Variants in CTDSPL2 observed in about 807,000 individuals in gnomAD.
CTDSPL2 encodes CTD small phosphatase like 2.
CTDSPL2 carries 5 observed loss-of-function variants against 60.0 expected under a neutral mutation model. That is an observed-to-expected ratio of 0.08 (90% CI 0.04 to 0.18). The LOEUF is 0.18. CTDSPL2 is among the 10% of genes least tolerant of loss of function. The pLI, the probability that CTDSPL2 is intolerant of heterozygous loss-of-function variation, is 1.00. For missense variants in CTDSPL2, 370 were observed against 548.8 expected (o/e 0.67, Z 3.26); for synonymous variants, 186 against 189.3 (o/e 0.98, Z 0.14).
intron 2 of CTDSPL2, chr15:44,470,329 ATTAT>A (rs1297737809): frequency 1.3e-5 from 2 of 151,964 alleles, no homozygotes; most frequent in African/African-American, 4.8e-5. Context: ...CTCAAGTGAT[ATTAT>A]TTATTTTGAA....
chr15:44,492,278 G>A (rs746674814), intron 5 of CTDSPL2, among the ~76,000 whole-genome samples: 2 of 152,162 alleles, frequency 1.3e-5, no homozygotes, highest in African/African-American at 2.4e-5. Flanking sequence ...CCAGACTGCC[G>A]TGAGCTATGA....
chr15:44,502,762 T>C (rs2081400896), intron 8 of CTDSPL2, among the ~76,000 whole-genome samples: 1 of 152,202 alleles, frequency 6.6e-6, no homozygotes, highest in African/African-American at 2.4e-5. Context: ...TTCTTGTAAA[T>C]GTATGTAGAA....
At chr15:44,441,999 A>G (rs746049760) in intron 1 of CTDSPL2, among the ~76,000 whole-genome samples, 15 of 152,144 alleles carry the variant, frequency 9.9e-5, no homozygotes, top group Admixed American at 6.6e-4. Flanking sequence ...AGACTCCCCA[A>G]TTAGCGCTGG....
At chr15:44,511,227 C>G (rs1322778216) in intron 8 of CTDSPL2, among the ~76,000 whole-genome samples, 1 of 152,200 alleles carries the variant, frequency 6.6e-6, no homozygotes, top group East Asian at 1.9e-4. Context: ...CAATATATTC[C>G]TTTATCTTCA....
At chr15:44,500,691 T>C (rs995139521) in intron 8 of CTDSPL2, among the ~76,000 whole-genome samples, 9 of 152,192 alleles carry the variant, frequency 5.9e-5, no homozygotes, top group Admixed American at 2.0e-4. Flanking sequence ...GCAGTTAGAA[T>C]GTGGTTATAG....
At chr15:44,467,742 T>G (rs2080725084) in intron 2 of CTDSPL2, among the ~76,000 whole-genome samples, 1 of 151,882 alleles carries the variant, frequency 6.6e-6, no homozygotes, top group South Asian at 2.1e-4. Flanking sequence ...CCTGGCTAAT[T>G]CTTTGTATTT....
intron 1 of CTDSPL2, among the ~76,000 whole-genome samples, chr15:44,446,754 C>CTTT (rs71111859): frequency 4.1e-5 from 3 of 73,600 alleles, no homozygotes; most frequent in African/African-American, 1.0e-4. Context: ...TCTTGGGGAA[C>CTTT]TTTTTTTTTT....
intron 1 of CTDSPL2, among the ~76,000 whole-genome samples, chr15:44,435,789 T>G (rs1440272325): frequency 6.6e-6 from 1 of 151,866 alleles, no homozygotes; most frequent in Admixed American, 6.6e-5. Context: ...GTGCTTTTAG[T>G]AGAGACGGGG....
chr15:44,460,365 C>T (rs924607285), intron 2 of CTDSPL2, among the ~76,000 whole-genome samples: 12 of 152,180 alleles, frequency 7.9e-5, no homozygotes, highest in Admixed American at 5.2e-4. Flanking sequence ...GCCTCGGCCT[C>T]CCAAAGTGCT....
chr15:44,511,886 A>G (rs1046226698), intron 8 of CTDSPL2, among the ~76,000 whole-genome samples: 6 of 151,182 alleles, frequency 4.0e-5, no homozygotes, highest in Admixed American at 3.3e-4. Context: ...AAAAAAAAAA[A>G]AAAAAAGAAA....
intron 8 of CTDSPL2, among the ~76,000 whole-genome samples, chr15:44,504,973 T>A (rs1040586409): frequency 2.0e-5 from 3 of 152,206 alleles, no homozygotes; most frequent in South Asian, 2.1e-4. Context: ...TGTTTAGTTA[T>A]TGGTACTAAT....
intron 10 of CTDSPL2, chr15:44,516,883 A>C (rs2081662914): frequency 6.6e-6 from 1 of 152,080 alleles, no homozygotes; most frequent in Non-Finnish European, 1.5e-5. Flanking sequence ...TCTGTCACCC[A>C]GCCTGGAGTG....
At chr15:44,441,885 G>A (rs376198446) in intron 1 of CTDSPL2, among the ~76,000 whole-genome samples, 1 of 152,174 alleles carries the variant, frequency 6.6e-6, no homozygotes, top group Admixed American at 6.5e-5. Context: ...TTCTGGGGCT[G>A]TAGCTTGTAA....
chr15:44,476,341 C>T (rs1175784740), intron 2 of CTDSPL2, among the ~76,000 whole-genome samples: 1 of 152,092 alleles, frequency 6.6e-6, no homozygotes, highest in Admixed American at 6.6e-5. Context: ...GCTGGGATTA[C>T]AGTCGCGAGC....
At chr15:44,495,945 CAAAA>C (rs898039092) in intron 5 of CTDSPL2, among the ~76,000 whole-genome samples, 7 of 151,798 alleles carry the variant, frequency 4.6e-5, no homozygotes, top group Non-Finnish European at 8.8e-5. Flanking sequence ...AAAAAAAACA[CAAAA>C]AACCTACATT....
At chr15:44,445,213 T>G (rs766691229) in intron 1 of CTDSPL2, among the ~76,000 whole-genome samples, 5 of 151,512 alleles carry the variant, frequency 3.3e-5, no homozygotes, top group Admixed American at 6.6e-5. Flanking sequence ...AGACAGAGTC[T>G]CACTCCGGCT....
intron 1 of CTDSPL2, chr15:44,427,994 T>C (rs2079780969): frequency 3.5e-6 from 1 of 287,780 alleles, no homozygotes; most frequent in Non-Finnish European, 6.4e-6. Context: ...TCCCGCCAGC[T>C]TCACCTCTTA....
intron 2 of CTDSPL2, among the ~76,000 whole-genome samples, chr15:44,463,086 C>G (rs1299283600): frequency 6.6e-6 from 1 of 152,018 alleles, no homozygotes; most frequent in Admixed American, 6.6e-5. Context: ...TCATTAATGC[C>G]TCATTACTCA....
intron 1 of CTDSPL2, among the ~76,000 whole-genome samples, chr15:44,447,340 A>G (rs1160121437): frequency 2.0e-5 from 3 of 152,170 alleles, no homozygotes; most frequent in Non-Finnish European, 2.9e-5. Context: ...AGCAACTGGT[A>G]TTTATTATCA....
Sources: gnomAD v4.1 joint callset for allele counts (sites outside exome capture counted in the v4.1 genomes callset) on GRCh38, gnomAD v4.1.1 for gene constraint, MANE v1.5 for transcripts, NCBI Gene and HGNC (gene_info 2026-07-23, HGNC 2026-07-21) for gene names.